DLC1: variants seen among roughly 807,000 people sequenced by gnomAD.
The protein encoded by DLC1 is DLC1 Rho GTPase activating protein, also known as rho GTPase-activating protein 7.
Under a neutral mutation model 140.3 loss-of-function variants are expected in DLC1, and 54 were observed. The observed-to-expected ratio is 0.38, with a 90% CI of 0.31 to 0.48. The LOEUF is 0.48. DLC1 is among the 20% of genes least tolerant of loss of function. DLC1 has a pLI of 0.96. For synonymous variants in DLC1, 986 were observed against 728.1 expected, an observed-to-expected ratio of 1.35 and a Z score of -5.70; for missense variants, 2,536 against 1,907.0, an observed-to-expected ratio of 1.33 and a Z score of -6.14.
chr8:13,548,497 A>G (rs1408422047), intron 1 of DLC1, among the ~76,000 whole-genome samples: 3 of 152,068 alleles, frequency 2.0e-5, no homozygotes, highest in Non-Finnish European at 4.4e-5. Context: ...TAACAATAAT[A>G]ATTTTTAAAT....
At chr8:13,516,872 A>G (rs1322147900), upstream of DLC1, among the ~76,000 whole-genome samples, 1 of 152,164 alleles carries the variant, frequency 6.6e-6, no homozygotes, top group Non-Finnish European at 1.5e-5. Context: ...TCACAGTCAA[A>G]TGATACAAAG....
At chr8:13,190,320 G>T (rs544388270) in intron 5 of DLC1, among the ~76,000 whole-genome samples, 3 of 152,104 alleles carry the variant, frequency 2.0e-5, no homozygotes, top group Non-Finnish European at 2.9e-5. Context: ...TGCCTCTGGT[G>T]TGAGCTTGCT....
chr8:13,594,111 T>C (rs935191367), intron 1 of DLC1, among the ~76,000 whole-genome samples: 5 of 151,934 alleles, frequency 3.3e-5, no homozygotes, highest in Admixed American at 1.3e-4. Context: ...CAGTGAATCA[T>C]GATCTTGTAA....
intron 4 of DLC1, among the ~76,000 whole-genome samples, chr8:13,387,911 A>G (rs1836594060): frequency 6.6e-6 from 1 of 152,028 alleles, no homozygotes; most frequent in African/African-American, 2.4e-5. Context: ...GAAAACTCAA[A>G]TGTAGCATTT....
chr8:13,294,814 A>G (rs1467675343), intron 5 of DLC1, among the ~76,000 whole-genome samples: 1 of 152,138 alleles, frequency 6.6e-6, no homozygotes, highest in Non-Finnish European at 1.5e-5. Context: ...CCACAGTGTG[A>G]CTTTGGGTAT....
intron 5 of DLC1, among the ~76,000 whole-genome samples, chr8:13,125,745 TTC>T (rs569040118): frequency 1.3e-5 from 2 of 151,970 alleles, no homozygotes; most frequent in South Asian, 4.2e-4. Flanking sequence ...TCATTTTTTT[TTC>T]TCTTATTCTT....
chr8:13,441,939 A>G (rs1563349437), intron 2 of DLC1, among the ~76,000 whole-genome samples: 1 of 152,222 alleles, frequency 6.6e-6, no homozygotes, highest in South Asian at 2.1e-4. Flanking sequence ...GCATCACACT[A>G]TTTGACTTCA....
At chr8:13,597,808 GTAAC>G (rs1336590046) in intron 1 of DLC1, among the ~76,000 whole-genome samples, 1 of 152,058 alleles carries the variant, frequency 6.6e-6, no homozygotes, top group Non-Finnish European at 1.5e-5. Flanking sequence ...GAAGGACTGA[GTAAC>G]AAACAAACTT....
chr8:13,521,402 TAAAATTA>T (rs1325242581), intron 1 of DLC1, among the ~76,000 whole-genome samples: 3 of 146,366 alleles, frequency 2.0e-5, no homozygotes, highest in African/African-American at 7.8e-5. Context: ...TCCCAGAACT[TAAAATTA>T]AAAAAAAAAA....
chr8:13,396,940 GC>G (rs918975400), intron 3 of DLC1, among the ~76,000 whole-genome samples: 8 of 134,540 alleles, frequency 5.9e-5, no homozygotes, highest in African/African-American at 8.3e-5. Flanking sequence ...CCTGTTACCC[GC>G]CCCCCCCAAC....
chr8:13,344,203 T>C (rs890023133), intron 4 of DLC1, among the ~76,000 whole-genome samples: 6 of 152,210 alleles, frequency 3.9e-5, no homozygotes, highest in African/African-American at 1.4e-4. Context: ...TTTAAAATAC[T>C]TTCAATCAGC....
intron 5 of DLC1, among the ~76,000 whole-genome samples, chr8:13,277,865 A>T (rs1363640979): frequency 6.6e-6 from 1 of 152,134 alleles, no homozygotes; most frequent in Admixed American, 6.5e-5. Flanking sequence ...TATTACCATA[A>T]TTATTTTTAC....
At chr8:13,591,108 C>T (rs1045829580) in intron 1 of DLC1, among the ~76,000 whole-genome samples, 1 of 151,838 alleles carries the variant, frequency 6.6e-6, no homozygotes, top group African/African-American at 2.4e-5. Flanking sequence ...TCTAAGTCAT[C>T]GTGAGGAGGT....
At chr8:13,311,744 A>T (rs186902962) in intron 4 of DLC1, among the ~76,000 whole-genome samples, 70 of 152,344 alleles carry the variant, frequency 4.6e-4, no homozygotes, top group Admixed American at 2.7e-3. Context: ...GGCAAAGTTA[A>T]TTCTTAAGAG....
chr8:13,100,170 G>C lies in DLC1; in HGVS notation c.2167C>G (p.Arg723Gly). 2.5e-6 allele frequency: 4 copies of C among 1,613,354 alleles called. No homozygotes were observed. The highest frequency in any genetic ancestry group is 3.4e-6 in the Non-Finnish European group (4 of 1,179,840). Reference protein sequence around the residue: ...CVEISALNGNRINVPMVRKRS... With the variant: ...CVEISALNGNGINVPMVRKRS... Reference sequence around the variant, plus strand: ...TTTCGTACCATGGGGACGTTGATGCGGTTGCCATTGAGGGCGGAGATCTCC... The same window carrying C: ...TTTCGTACCATGGGGACGTTGATGCCGTTGCCATTGAGGGCGGAGATCTCC... The change falls in exon 9 of 18, where the codon CGC becomes GGC. Residue 723 changes from arginine to glycine, a missense_variant. Arg to Gly is a moderately radical substitution (Grantham distance 125, BLOSUM62 -2). Coordinates refer to ENST00000276297, the MANE Select transcript of DLC1 (RefSeq NM_182643.3).
chr8:13,089,954 T>A (rs988439374), intron 15 of DLC1, among the ~76,000 whole-genome samples: 5 of 152,350 alleles, frequency 3.3e-5, no homozygotes, highest in African/African-American at 1.2e-4. Flanking sequence ...ATGTTCCGCA[T>A]CTCAATGCCA....
chr8:13,440,048 G>C (rs1400168590), intron 2 of DLC1, among the ~76,000 whole-genome samples: 1 of 152,100 alleles, frequency 6.6e-6, no homozygotes, highest in East Asian at 1.9e-4. Flanking sequence ...GTATTAGGAG[G>C]GGAAAAAGTC....
intron 4 of DLC1, among the ~76,000 whole-genome samples, chr8:13,332,652 C>T (rs549522530): frequency 6.6e-5 from 10 of 152,028 alleles, no homozygotes; most frequent in African/African-American, 2.2e-4. Flanking sequence ...TGGCTGATCT[C>T]GAACTCCTGA....
intron 4 of DLC1, among the ~76,000 whole-genome samples, chr8:13,367,820 G>A (rs1242095510): frequency 2.0e-5 from 3 of 152,156 alleles, no homozygotes; most frequent in African/African-American, 7.2e-5. Flanking sequence ...AGACAGGAGA[G>A]GTTTCAAGAG....
Sources: allele counts gnomAD v4.1 joint callset (sites outside exome capture counted in the v4.1 genomes callset), GRCh38; gene constraint gnomAD v4.1.1; transcripts MANE v1.5; gene names NCBI Gene and HGNC (gene_info 2026-07-23, HGNC 2026-07-21).